The following COL11A1 variants were observed in gnomAD, a reference collection of about 807,000 sequenced individuals.
COL11A1 encodes the protein collagen type XI alpha 1 chain.
Under a neutral mutation model 265.2 loss-of-function variants are expected in COL11A1, and 74 were observed. That is an observed-to-expected ratio of 0.28 (90% confidence interval 0.23 to 0.34). The LOEUF (loss-of-function observed/expected upper bound fraction) is 0.34. Ranked by LOEUF, COL11A1 falls within the 10% of genes least tolerant of loss-of-function variation. The pLI is 1.00. For synonymous variants in COL11A1, 816 were observed against 727.6 expected (o/e 1.12, Z -1.96); for missense variants, 2,165 against 2,263.6 (o/e 0.96, Z 0.88).
intron 39 of COL11A1, 33 bp from the exon 40 acceptor site, chr1:102,962,298 T>C (rs1345287469): frequency 6.6e-7 from 1 of 1,510,750 alleles, no homozygotes; most frequent in Admixed American, 1.7e-5. Flanking sequence ...TCAAGACAGA[T>C]TAATTTCTAC....
At chr1:103,038,929 G>GAA (rs1209159894) in intron 4 of COL11A1, among the ~76,000 whole-genome samples, 1 of 152,148 alleles carries the variant, frequency 6.6e-6, no homozygotes, top group Non-Finnish European at 1.5e-5. Flanking sequence ...AGAATGATAA[G>GAA]GAAATATGGA....
intron 29 of COL11A1, among the ~76,000 whole-genome samples, chr1:102,988,975 A>C (rs148891139): frequency 0.013 from 1,914 of 152,210 alleles, 37 homozygotes; most frequent in African/African-American, 0.043. Flanking sequence ...ATATTACTTA[A>C]AAATAAATCT....
chr1:102,879,761 A>G lies in COL11A1; in HGVS notation c.5196T>C (p.Leu1732=). 1 of 1,613,980 alleles carries G rather than the reference A, an allele frequency of 6.2e-7. No homozygotes were observed. Among genetic ancestry groups the G allele is most frequent in the Non-Finnish European group, 8.5e-7 (1 of 1,179,888 alleles). The part of the protein sequence containing the change: ...DVSSGSYDKA[L]RFLGSNDEEM... Reference sequence around the variant, plus strand: ...CCTCATCATTTGATCCCAGGAAGCGAAGTGCTTTGTCATAACTTCCTGATG... The same window carrying G: ...CCTCATCATTTGATCCCAGGAAGCGGAGTGCTTTGTCATAACTTCCTGATG... Residue 1732 remains leucine, a synonymous_variant, in exon 66 of 67, where the codon CTT becomes CTC. Coordinates refer to ENST00000370096, the MANE Select transcript of COL11A1 (RefSeq NM_001854.4).
rs1663539223 is a variant in COL11A1, at chr1:102,986,305, T to C, written c.2502+1328A>G. Among the ~76,000 whole-genome samples the C allele has an allele frequency of 4.0e-5, 6 of 150,582 alleles. No homozygotes were observed. In the Admixed American group the frequency reaches 4.0e-4, roughly 10 times the overall value. ...GGAAACCATCCTTCTCAGCAAACTA[T>C]CGCAAGGACAAAAAACCAAGCACCG... On this transcript the variant is annotated intron_variant, in intron 30 of 66. Transcript: ENST00000370096.
chr1:102,981,494 G>T (rs949997553), intron 31 of COL11A1, among the ~76,000 whole-genome samples: 2 of 151,906 alleles, frequency 1.3e-5, no homozygotes, highest in Admixed American at 6.6e-5. Context: ...CACCAATTTT[G>T]TTTTTCATAA....
At chr1:102,937,881 A>C (rs1424956869) in intron 44 of COL11A1, among the ~76,000 whole-genome samples, 2 of 152,216 alleles carry the variant, frequency 1.3e-5, no homozygotes, top group Non-Finnish European at 2.9e-5. Context: ...ACATTTTGTA[A>C]ATGTATAGTC....
At chr1:102,954,831 C>A (rs949604415) in intron 41 of COL11A1, among the ~76,000 whole-genome samples, 2 of 137,734 alleles carry the variant, frequency 1.5e-5, no homozygotes, top group African/African-American at 5.3e-5. Flanking sequence ...GCGACAAGAG[C>A]GAAACTCCCT....
rs191090159 is a variant in COL11A1, at chr1:103,089,891, C to T, written c.107-6919G>A. Among the ~76,000 whole-genome samples, 956 of 152,238 alleles carry T rather than the reference C, an allele frequency of 6.3e-3. 16 individuals are homozygous for T. The highest frequency in any genetic ancestry group is 0.022 in the African/African-American group (895 of 41,544). On this transcript the variant is annotated intron_variant, in intron 1 of 66. Transcript: ENST00000370096. ...CTGTAATCTCAGCACTTTGGGAGGCCGAGGTGGGTGGATCACGAGGTCAGG... is the reference window on the plus strand; with the variant it reads ...CTGTAATCTCAGCACTTTGGGAGGCTGAGGTGGGTGGATCACGAGGTCAGG...
chr1:103,050,337 T>G (rs1669703130), intron 4 of COL11A1, among the ~76,000 whole-genome samples: 1 of 152,202 alleles, frequency 6.6e-6, no homozygotes, highest in African/African-American at 2.4e-5. Context: ...TCTTCTCACT[T>G]CATTTCATTC....
intron 4 of COL11A1, among the ~76,000 whole-genome samples, chr1:103,068,039 T>C (rs905008984): frequency 6.6e-6 from 1 of 151,616 alleles, no homozygotes; most frequent in African/African-American, 2.4e-5. Context: ...ACATCAGTAA[T>C]ATAAGAAAGT....
intron 46 of COL11A1, among the ~76,000 whole-genome samples, chr1:102,929,876 A>G (rs957011325): frequency 7.2e-5 from 11 of 152,188 alleles, no homozygotes; most frequent in East Asian, 1.9e-4. Context: ...GTTCACTCAT[A>G]ATTTGGCTCT....
intron 26 of COL11A1, 29 bp downstream of exon 26, chr1:102,997,051 G>A (rs768665284): frequency 1.3e-6 from 2 of 1,592,028 alleles, no homozygotes; most frequent in Non-Finnish European, 1.7e-6. Context: ...TTATTAATAG[G>A]ACATTTAAAT....
At chr1:102,890,305 G>A in intron 58 of COL11A1, 146 bp downstream of exon 58, 1 of 689,582 alleles carries the variant, frequency 1.5e-6, no homozygotes, top group Non-Finnish European at 2.4e-6. Flanking sequence ...ACATACATCT[G>A]GGAAGCTAAG....
chr1:103,004,580 TTTC>T lies in COL11A1; in HGVS notation c.1899+25_1899+27del, dbSNP rs569797019. ...TTTTATTATGTTTTAATTTTAAATA[TTTC>T]TTAAGAAAAGAAGTATTAACATACC... On this transcript the variant is annotated intron_variant, in intron 19 of 66. Coordinates refer to ENST00000370096, the MANE Select transcript of COL11A1 (RefSeq NM_001854.4). 1.1e-4 allele frequency: 175 copies of T among 1,591,926 alleles called. 1 individual carries two copies. The African/African-American group carries it at 2.3e-3, about 21-fold the overall frequency.
rs970852655 is a variant in COL11A1 at position 102,879,223 on chromosome 1, C to T, written c.5274+460G>A. On this transcript the variant is annotated intron_variant, in intron 66 of 66. Coordinates refer to ENST00000370096, the MANE Select transcript of COL11A1 (RefSeq NM_001854.4). ...TAAGATAGAGATAACAATAATGATACTGGATCTCAAACTGATATAGTACAA... is the reference window on the plus strand; with the variant it reads ...TAAGATAGAGATAACAATAATGATATTGGATCTCAAACTGATATAGTACAA... 3.3e-5 allele frequency among the ~76,000 whole-genome samples: 5 copies of T among 152,110 alleles called. No individual in the cohort carries two copies. In the South Asian group the frequency reaches 6.2e-4, roughly 19 times the overall value.
chr1:103,005,839 C>A lies in COL11A1; in HGVS notation c.1844G>T (p.Arg615Met). 1 of 1,614,082 alleles carries A rather than the reference C, an allele frequency of 6.2e-7. No individual in the cohort carries two copies. Among genetic ancestry groups the A allele is most frequent in the Non-Finnish European group, 8.5e-7 (1 of 1,179,978 alleles). The part of the protein sequence containing the change: ...LPGLPGDKGH[R>M]GERGPQGPPG... ...AAAAAAGGAATAGATGTATCTTACC[C>A]TGTGACCTTTGTCACCTGGCAGACC... The change falls in exon 18 of 67, where the codon AGG becomes ATG. Residue 615 changes from arginine (R) to methionine (M), a missense_variant and splice_region_variant. Arg to Met is a moderately conservative substitution (Grantham distance 91). Transcript: ENST00000370096.
chr1:103,086,024 T>A (rs1672826303), intron 1 of COL11A1, among the ~76,000 whole-genome samples: 1 of 152,172 alleles, frequency 6.6e-6, no homozygotes. Context: ...CCACTCACCC[T>A]GCTATACCCC....
intron 41 of COL11A1, among the ~76,000 whole-genome samples, chr1:102,958,310 C>T (rs755279081): frequency 4.0e-5 from 6 of 151,852 alleles, no homozygotes; most frequent in Non-Finnish European, 8.8e-5. Flanking sequence ...GAAATCCCTA[C>T]TCCTGATTCT....
intron 45 of COL11A1, 86 bp from the exon 46 acceptor site, chr1:102,934,642 A>T: frequency 2.0e-6 from 2 of 1,011,566 alleles, no homozygotes; most frequent in Admixed American, 3.6e-5. Context: ...TTCTAATTTA[A>T]TCAAAGCAGA....
Sources: allele counts gnomAD v4.1 joint callset (sites outside exome capture counted in the v4.1 genomes callset), GRCh38; gene constraint gnomAD v4.1.1; transcripts MANE v1.5; gene names NCBI Gene and HGNC (gene_info 2026-07-23, HGNC 2026-07-21).